OTOP2: variants seen among roughly 807,000 people sequenced by gnomAD.
The protein encoded by OTOP2 is otopetrin 2.
In OTOP2, 41 loss-of-function variants were observed where a neutral mutation model predicts 47.4. That is an observed-to-expected ratio of 0.87 (90% CI 0.67 to 1.12). The LOEUF is 1.12. OTOP2 is among the 50% of genes most tolerant of loss of function. The probability of loss-of-function intolerance (pLI) is 0.00; values close to 1 mark genes in which losing one functional copy is unlikely to be tolerated. For synonymous variants in OTOP2, 328 were observed against 319.6 expected, an observed-to-expected ratio of 1.03 and a Z score of -0.28; for missense variants, 721 against 752.2, an observed-to-expected ratio of 0.96 and a Z score of 0.49.
intron 5 of OTOP2, among the ~76,000 whole-genome samples, chr17:74,928,526 A>G (rs904533920): frequency 1.3e-5 from 2 of 152,108 alleles, no homozygotes; most frequent in African/African-American, 4.8e-5. Context: ...AAGGGTGGCA[A>G]TTTACTGAGG....
rs753128445 is a variant in OTOP2 at position 74,930,766 on chromosome 17, G to C, written c.1131G>C (p.Leu377=). Reference sequence around the variant, plus strand: ...TGGCCCTGCTGATGGGTGCCGCCCTGGGTCAGTACGCCATCTCTTACTACT... The same window carrying C: ...TGGCCCTGCTGATGGGTGCCGCCCTCGGTCAGTACGCCATCTCTTACTACT... ...LDVALLMGAA[L]GQYAISYYSI... Residue 377 remains leucine (L), a synonymous_variant, in exon 6 of 7, where the codon CTG becomes CTC. Coordinates refer to ENST00000331427, the MANE Select transcript of OTOP2 (RefSeq NM_178160.3). This position sits in a 1 kb window ranked among gnomAD's most constrained non-coding sequence, Gnocchi z 4.0. 2 of 1,614,128 alleles carry C rather than the reference G, an allele frequency of 1.2e-6. No individual in the cohort carries two copies. Among genetic ancestry groups the C allele is most frequent in the African/African-American group, 2.7e-5 (2 of 75,020 alleles).
rs2039044550 is a variant in OTOP2 at position 74,930,405 on chromosome 17, T to C, written c.770T>C (p.Met257Thr). Residue 257 changes from methionine to threonine, a missense_variant, in exon 6 of 7, where the codon ATG (methionine) becomes ACG (threonine). By Grantham distance (81) the Met-to-Thr change is moderately conservative. Coordinates refer to ENST00000331427, the MANE Select transcript of OTOP2 (RefSeq NM_178160.3). This position sits in a 1 kb window ranked among gnomAD's most constrained non-coding sequence, Gnocchi z 4.0. The stretch of plus-strand genomic sequence containing the variant: ...GAGTACAGCCTCTTCGCCTCCACCA[T>C]GCTGTATGTCATGTGGAAGAATGTG... ...NIEYSLFAST[M>T]LYVMWKNVGR... The C allele has an allele frequency of 6.2e-7, 1 of 1,614,028 alleles. No homozygotes were observed. The highest frequency in any genetic ancestry group is 1.7e-5 in the Admixed American group (1 of 60,008).
intron 6 of OTOP2, 107 bp downstream of exon 6, chr17:74,931,260 G>A: frequency 1.4e-6 from 2 of 1,416,648 alleles, no homozygotes; most frequent in Non-Finnish European, 1.9e-6. Flanking sequence ...CAGCCCGCCT[G>A]AGAATCTTAC....
Position 74,930,964 on chromosome 17 carries a change from C to T in OTOP2, c.1329C>T (p.Cys443=), listed in dbSNP as rs1351782996. 6 of 1,613,982 alleles carry T rather than the reference C, an allele frequency of 3.7e-6. No homozygotes were observed. The highest frequency in any genetic ancestry group is 5.1e-6 in the Non-Finnish European group (6 of 1,180,018). The change falls in exon 6 of 7, where the codon TGC becomes TGT. Residue 443 remains cysteine, a synonymous_variant. Coordinates refer to ENST00000331427, the MANE Select transcript of OTOP2 (RefSeq NM_178160.3). The surrounding 1 kb of genome is among the most constrained non-coding windows in gnomAD (Gnocchi z 4.0). ...ACAGTACCCACCCCAAGGAGCCCTG[C>T]CAAGACCTCACCTTCACCAACCTGG... The part of the protein sequence containing the change: ...EPHSTHPKEP[C]QDLTFTNLDA...
Position 74,924,615 on chromosome 17 carries a change from T to C in OTOP2, c.-18T>C, listed in dbSNP as rs180710937. On this transcript the variant is annotated 5_prime_UTR_variant, in exon 2 of 7. Coordinates refer to ENST00000331427, the MANE Select transcript of OTOP2 (RefSeq NM_178160.3). The surrounding 1 kb of genome is among the most constrained non-coding windows in gnomAD (Gnocchi z 7.7). ...TCCCCTACAGTGATCCCTCTAGCCTTCTCCAGTCGCCTCCGCCATGTCCGA... is the reference window on the plus strand; with the variant it reads ...TCCCCTACAGTGATCCCTCTAGCCTCCTCCAGTCGCCTCCGCCATGTCCGA... 3.8e-4 allele frequency: 588 copies of C among 1,544,036 alleles called. 1 individual carries two copies. Among genetic ancestry groups the C allele is most frequent in the Non-Finnish European group, 4.4e-4 (512 of 1,151,542 alleles).
Position 74,930,135 on chromosome 17 carries a change from A to C in OTOP2, c.644-144A>C. The C allele has an allele frequency of 1.1e-6, 1 of 904,228 alleles. No individual in the cohort carries two copies. The highest frequency in any genetic ancestry group is 1.6e-6 in the Non-Finnish European group (1 of 618,558). The allele number at this position is 904,228 out of a possible 1,614,324, so 56.0% of individuals were successfully genotyped here. ...GAGGTGAAGCTTGCAGTGAGCCAAG[A>C]TCACACCATTGCACTCCAGCCTGAG... On this transcript the variant is annotated intron_variant, in intron 5 of 6. Transcript: ENST00000331427. This position sits in a 1 kb window ranked among gnomAD's most constrained non-coding sequence, Gnocchi z 4.0.
At position 74,933,450 on chromosome 17, in the gene OTOP2, C is replaced by T. The variant is rs758635916; in HGVS notation, c.1594C>T (p.Leu532Phe). The change falls in exon 7 of 7, where the codon CTC (leucine) becomes TTC (phenylalanine). Residue 532 changes from leucine to phenylalanine, a missense_variant. Transcript: ENST00000331427. This position sits in a 1 kb window ranked among gnomAD's most constrained non-coding sequence, Gnocchi z 4.7. The stretch of plus-strand genomic sequence containing the variant: ...GGAGGTGGATTTCTACGGCTACTCC[C>T]TCTGGGCGGTCATCGTCAACATCTG... ...TVEVDFYGYS[L>F]WAVIVNICLP... is the part of the protein sequence containing the mutation. The T allele has an allele frequency of 4.3e-6, 7 of 1,614,210 alleles. No individual in the cohort carries two copies. The highest frequency in any genetic ancestry group is 5.9e-6 in the Non-Finnish European group (7 of 1,180,016).
Position 74,925,588 on chromosome 17 carries a change from A to C in OTOP2, c.346A>C (p.Ile116Leu). The C allele has an allele frequency of 6.2e-7, 1 of 1,613,976 alleles. No individual in the cohort carries two copies. The highest frequency in any genetic ancestry group is 8.5e-7 in the Non-Finnish European group (1 of 1,179,988). ...GLVLFGICTL[I>L]MDVFKTGYYS... ...GGTGCTGTTTGGAATCTGCACCCTC[A>C]TCATGGATGTCTTCAAGACCGGCTA... The change falls in exon 3 of 7, where the codon ATC becomes CTC. Residue 116 changes from isoleucine to leucine, a missense_variant. Ile to Leu is a conservative substitution (Grantham distance 5). Transcript: ENST00000331427.
At chr17:74,931,423 G>A (rs1725223723) in intron 6 of OTOP2, among the ~76,000 whole-genome samples, 1 of 152,242 alleles carries the variant, frequency 6.6e-6, no homozygotes, top group Non-Finnish European at 1.5e-5. Context: ...TGACACAGGG[G>A]CTGGGCAGAG....
intron 3 of OTOP2, among the ~76,000 whole-genome samples, chr17:74,925,957 G>C (rs986886280): frequency 6.6e-6 from 1 of 152,190 alleles, no homozygotes; most frequent in African/African-American, 2.4e-5. Flanking sequence ...ACACCTAGGA[G>C]GTGTGAGTTG....
chr17:74,926,530 G>T (rs2039009788), intron 3 of OTOP2, among the ~76,000 whole-genome samples: 1 of 151,316 alleles, frequency 6.6e-6, no homozygotes, highest in Non-Finnish European at 1.5e-5. Flanking sequence ...TCCACCCTGA[G>T]CAAGACCTAA....
chr17:74,930,514 G>A lies in OTOP2; in HGVS notation c.879G>A (p.Pro293=), dbSNP rs371586116. 4.9e-5 allele frequency: 79 copies of A among 1,612,830 alleles called. 1 individual carries two copies. In the African/African-American group the frequency reaches 7.3e-4, roughly 15 times the overall value. Residue 293 remains proline, a synonymous_variant, in exon 6 of 7, where the codon CCG becomes CCA. Coordinates refer to ENST00000331427, the MANE Select transcript of OTOP2 (RefSeq NM_178160.3). The surrounding 1 kb of genome is among the most constrained non-coding windows in gnomAD (Gnocchi z 4.0). The part of the protein sequence containing the change: ...SLFRETFFAG[P]VLGLLLFVVG... ...TCCGGGAGACCTTTTTTGCTGGCCCGGTTCTGGGCCTGCTGCTCTTCGTGG... is the reference window on the plus strand; with the variant it reads ...TCCGGGAGACCTTTTTTGCTGGCCCAGTTCTGGGCCTGCTGCTCTTCGTGG...
At chr17:74,927,122 G>T in intron 3 of OTOP2, 101 bp from the exon 4 acceptor site, 1 of 1,083,902 alleles carries the variant, frequency 9.2e-7, no homozygotes, top group Non-Finnish European at 1.4e-6. Flanking sequence ...CTCAGTGTAA[G>T]GGTTCCTCAG....
Position 74,933,563 on chromosome 17 carries a change from T to G in OTOP2, c.*18T>G, listed in dbSNP as rs911765741. The G allele has an allele frequency of 4.8e-5, 75 of 1,566,096 alleles. No individual in the cohort carries two copies. The highest frequency in any genetic ancestry group is 6.0e-5 in the Non-Finnish European group (69 of 1,145,258). ...TGTCCTGAGGCCTCCAACAGAGGCA[T>G]GGGGGGCAGGAAGAGGGGGCTCAGC... is the stretch of plus-strand genomic sequence containing the variant. On this transcript the variant is annotated 3_prime_UTR_variant, in exon 7 of 7. Coordinates refer to ENST00000331427, the MANE Select transcript of OTOP2 (RefSeq NM_178160.3). This position sits in a 1 kb window ranked among gnomAD's most constrained non-coding sequence, Gnocchi z 4.7.
chr17:74,926,736 A>AT (rs904920403), intron 3 of OTOP2, among the ~76,000 whole-genome samples: 10 of 149,448 alleles, frequency 6.7e-5, no homozygotes, highest in Admixed American at 1.3e-4. Context: ...TCCCCACCTA[A>AT]TTTTTTTTTC....
intron 6 of OTOP2, among the ~76,000 whole-genome samples, chr17:74,932,866 C>T (rs1186706814): frequency 6.6e-6 from 1 of 152,158 alleles, no homozygotes; most frequent in Non-Finnish European, 1.5e-5. Context: ...ACTTCCACTT[C>T]CTCCCACTCC....
At chr17:74,927,398 G>T (rs1195827568) in intron 4 of OTOP2, 117 bp downstream of exon 4, 31 of 1,252,660 alleles carry the variant, frequency 2.5e-5, no homozygotes, top group Non-Finnish European at 3.1e-5. Flanking sequence ...TGGGGTTGCA[G>T]CCAAGCCCTC....
intron 6 of OTOP2, 75 bp downstream of exon 6, chr17:74,931,228 T>C (rs2039056466): frequency 1.3e-6 from 2 of 1,508,152 alleles, no homozygotes; most frequent in Admixed American, 2.2e-5. Context: ...GCTTAAGCCC[T>C]TAGCCTTCTC....
In OTOP2 at chr17:74,924,682, G is replaced by T. The variant is rs766606023; in HGVS notation, c.50G>T (p.Arg17Leu). 8.8e-6 allele frequency: 14 copies of T among 1,598,212 alleles called. No homozygotes were observed. In the South Asian group the frequency reaches 1.5e-4, roughly 17 times the overall value. ...CCCAAGGAGAGCCCCCCGGCGCCGCGTGCGGGCCCCAGGGAGGTGTGGAAG... is the reference window on the plus strand; with the variant it reads ...CCCAAGGAGAGCCCCCCGGCGCCGCTTGCGGGCCCCAGGGAGGTGTGGAAG... ...QGPKESPPAP[R>L]AGPREVWKKG... The change falls in exon 2 of 7, where the codon CGT (arginine) becomes CTT (leucine). Residue 17 changes from arginine to leucine, a missense_variant. Physicochemically the swap from Arg to Leu is moderately radical, Grantham distance 102 (BLOSUM62 -2). Transcript: ENST00000331427. The surrounding 1 kb of genome is among the most constrained non-coding windows in gnomAD (Gnocchi z 7.7).
Sources: gnomAD v4.1 joint callset for allele counts (sites outside exome capture counted in the v4.1 genomes callset) on GRCh38, gnomAD v4.1.1 for gene constraint, Gnocchi (gnomAD v3.1) non-coding constraint, MANE v1.5 for transcripts, NCBI Gene and HGNC (gene_info 2026-07-23, HGNC 2026-07-21) for gene names.